NWD2: variants seen among roughly 807,000 people sequenced by gnomAD.
The protein encoded by NWD2 is NACHT and WD repeat domain containing 2.
Under a neutral mutation model 132.7 loss-of-function variants are expected in NWD2, and 37 were observed. That is an observed-to-expected ratio of 0.28 (90% CI 0.21 to 0.37). NWD2 has a LOEUF of 0.37. NWD2 is among the 10% of genes least tolerant of loss of function. The pLI, the probability that NWD2 is intolerant of heterozygous loss-of-function variation, is 1.00. For synonymous variants in NWD2, 705 were observed against 803.0 expected (o/e 0.88, Z 2.06); for missense variants, 1,592 against 2,122.4 (o/e 0.75, Z 4.91).
rs578157080 is a variant in NWD2 at position 37,429,949 on chromosome 4, G to T, written c.358-623G>T. 2.1e-5 allele frequency among the ~76,000 whole-genome samples: 3 copies of T among 141,786 alleles called. No homozygotes were observed. The South Asian group carries it at 7.4e-4, about 35-fold the overall frequency. The allele number at this position is 141,786 out of a possible 152,430, so 93.0% of individuals were successfully genotyped here. A position where few individuals can be genotyped will look rare whatever the true frequency, so the allele number is the denominator to read the frequency against. On this transcript the variant is annotated intron_variant, in intron 3 of 6. Coordinates refer to ENST00000309447, the MANE Select transcript of NWD2 (RefSeq NM_001144990.2). Reference sequence around the variant, plus strand: ...TTTACATGCCCATCAGCACTCTATGGTTATTTTCTCACACCTTGACATAAA... The same window carrying T: ...TTTACATGCCCATCAGCACTCTATGTTTATTTTCTCACACCTTGACATAAA...
chr4:37,444,072 C>G lies in NWD2; in HGVS notation c.2084C>G (p.Thr695Ser), dbSNP rs867747769. ...GTAATGAGTGAGCTCAAAGAAAACA[C>G]CAGACCCAGCAATCCCCTGAGAGTA... ...NSVMSELKEN[T>S]RPSNPLRVPY... is the part of the protein sequence containing the mutation. The change falls in exon 7 of 7, where the codon ACC becomes AGC. Residue 695 changes from threonine to serine, a missense_variant. Physicochemically the swap from Thr to Ser is moderately conservative, Grantham distance 58. This residue lies in a region of NWD2 where 1,071 missense variants were observed against 1,398.0 expected (regional missense o/e 0.77). Transcript: ENST00000309447. This position sits in a 1 kb window ranked among gnomAD's most constrained non-coding sequence, Gnocchi z 4.8. The G allele has an allele frequency of 1.3e-6, 2 of 1,551,736 alleles. No individual in the cohort carries two copies. The highest frequency in any genetic ancestry group is 1.7e-6 in the Non-Finnish European group (2 of 1,147,018).
chr4:37,307,688 C>T (rs1230219489), intron 1 of NWD2, among the ~76,000 whole-genome samples: 1 of 152,134 alleles, frequency 6.6e-6, no homozygotes, highest in Non-Finnish European at 1.5e-5. Context: ...AAGTTTTTAG[C>T]AATTACTTTA....
At chr4:37,282,115 A>G (rs1320532928) in intron 1 of NWD2, among the ~76,000 whole-genome samples, 3 of 152,166 alleles carry the variant, frequency 2.0e-5, no homozygotes, top group African/African-American at 7.2e-5. Context: ...ATATAACTCA[A>G]TGGCCTCTCA....
At chr4:37,361,689 A>G (rs540578738) in intron 3 of NWD2, among the ~76,000 whole-genome samples, 1 of 152,316 alleles carries the variant, frequency 6.6e-6, no homozygotes, top group Non-Finnish European at 1.5e-5. Context: ...AATAAGAGCC[A>G]TCTATGACAA....
At chr4:37,255,604 T>C (rs1399633997) in intron 1 of NWD2, among the ~76,000 whole-genome samples, 1 of 152,202 alleles carries the variant, frequency 6.6e-6, no homozygotes, top group Non-Finnish European at 1.5e-5. Context: ...CTGAATATCT[T>C]GGGCACAAAG....
intron 2 of NWD2, among the ~76,000 whole-genome samples, chr4:37,352,644 G>A (rs948115436): frequency 2.0e-5 from 3 of 152,064 alleles, no homozygotes; most frequent in Admixed American, 2.0e-4. Context: ...GATCTTTGTT[G>A]GTTTAAAGTC....
intron 2 of NWD2, among the ~76,000 whole-genome samples, chr4:37,343,217 A>G (rs943069739): frequency 6.6e-6 from 1 of 152,210 alleles, no homozygotes. Flanking sequence ...TAAGCATTCT[A>G]GAAATGGGAC....
chr4:37,314,547 A>C (rs1448923486), intron 1 of NWD2, among the ~76,000 whole-genome samples: 1 of 152,178 alleles, frequency 6.6e-6, no homozygotes, highest in Non-Finnish European at 1.5e-5. Flanking sequence ...TGTATTAGAA[A>C]TAAAGTTGTT....
At chr4:37,402,592 T>G (rs559937551) in intron 3 of NWD2, among the ~76,000 whole-genome samples, 58 of 152,290 alleles carry the variant, frequency 3.8e-4, no homozygotes, top group African/African-American at 1.4e-3. Flanking sequence ...TATCTAGAAT[T>G]TTTATCTATT....
intron 1 of NWD2, among the ~76,000 whole-genome samples, chr4:37,299,039 T>C (rs895199615): frequency 6.6e-6 from 1 of 152,138 alleles, no homozygotes; most frequent in Non-Finnish European, 1.5e-5. Flanking sequence ...AGAGTCTCTT[T>C]CCTGTGTATC....
At chr4:37,341,326 T>C (rs1430444798) in intron 2 of NWD2, among the ~76,000 whole-genome samples, 1 of 152,214 alleles carries the variant, frequency 6.6e-6, no homozygotes. Flanking sequence ...AATTTTCAAC[T>C]TATCATACTT....
At chr4:37,253,926 A>G (rs115939931) in intron 1 of NWD2, among the ~76,000 whole-genome samples, 1,531 of 152,276 alleles carry the variant, frequency 0.01, 11 homozygotes, top group Non-Finnish European at 0.015. Context: ...TTTTTTATCC[A>G]TCCTTAGCAA....
chr4:37,372,921 A>G (rs1327791643), intron 3 of NWD2, among the ~76,000 whole-genome samples: 1 of 152,228 alleles, frequency 6.6e-6, no homozygotes. Flanking sequence ...TGACTGTCCT[A>G]TGCAGTATTG....
At position 37,426,405 on chromosome 4, in the gene NWD2, T is replaced by A. The variant is rs142962027; in HGVS notation, c.358-4167T>A. ...TGAAGTTCTGTATTACCACTTTATA[T>A]ATAGTAGGCACTCAATATGTATTTG... On this transcript the variant is annotated intron_variant, in intron 3 of 6. Transcript: ENST00000309447. Among the ~76,000 whole-genome samples, 1,124 of 152,344 alleles carry A rather than the reference T, an allele frequency of 7.4e-3. 19 individuals are homozygous for A. The highest frequency in any genetic ancestry group is 0.026 in the African/African-American group (1,074 of 41,560).
intron 3 of NWD2, among the ~76,000 whole-genome samples, chr4:37,402,119 T>C (rs1720908086): frequency 6.6e-6 from 1 of 152,224 alleles, no homozygotes; most frequent in Non-Finnish European, 1.5e-5. Context: ...CTCTCTGTTC[T>C]GTATGCTAAC....
chr4:37,394,798 G>GTTTTTTTTTTTTTTTTTTT (rs1720746643), intron 3 of NWD2, among the ~76,000 whole-genome samples: 1 of 14,452 alleles, frequency 6.9e-5, no homozygotes, highest in African/African-American at 1.5e-4. Context: ...GAACCTTTAT[G>GTTTTTTTTTTTTTTTTTTT]GTTTTTTTTT....
chr4:37,260,513 C>T (rs561776612), intron 1 of NWD2, among the ~76,000 whole-genome samples: 2 of 152,176 alleles, frequency 1.3e-5, no homozygotes, highest in Non-Finnish European at 2.9e-5. Context: ...AAAAATACCA[C>T]CTGTCCTTCC....
At chr4:37,319,555 T>C (rs1047307036) in intron 1 of NWD2, among the ~76,000 whole-genome samples, 1 of 152,138 alleles carries the variant, frequency 6.6e-6, no homozygotes, top group Admixed American at 6.5e-5. Flanking sequence ...CCAATGCAAA[T>C]GTTCAGAATG....
At position 37,244,969 on chromosome 4, in the gene NWD2, G is replaced by A; in HGVS notation, c.-99G>A. 6.7e-7 allele frequency: 1 copy of A among 1,481,922 alleles called. No homozygotes were observed. The highest frequency in any genetic ancestry group is 9.0e-7 in the Non-Finnish European group (1 of 1,107,962). The allele number at this position is 1,481,922 out of a possible 1,614,324, so 91.8% of individuals were successfully genotyped here. The stretch of plus-strand genomic sequence containing the variant: ...GCGGCTCTGAGCCGCGCCGCCTGCT[G>A]AGATCGACCGCCTGCTGAGCCGTTC... On this transcript the variant is annotated 5_prime_UTR_variant, in exon 1 of 7. Coordinates refer to ENST00000309447, the MANE Select transcript of NWD2 (RefSeq NM_001144990.2). This position sits in a 1 kb window ranked among gnomAD's most constrained non-coding sequence, Gnocchi z 5.5.
Sources: allele counts gnomAD v4.1 joint callset (sites outside exome capture counted in the v4.1 genomes callset), GRCh38; gene constraint gnomAD v4.1.1; regional missense constraint gnomAD v4.1.1; non-coding constraint Gnocchi (gnomAD v3.1); transcripts MANE v1.5; gene names NCBI Gene and HGNC (gene_info 2026-07-23, HGNC 2026-07-21).